KIF15: variants seen among roughly 807,000 people sequenced by gnomAD.
The protein encoded by KIF15 is kinesin family member 15.
Under a neutral mutation model 190.6 loss-of-function variants are expected in KIF15, and 140 were observed. That is an observed-to-expected ratio of 0.73 (90% confidence interval 0.64 to 0.84). The LOEUF is 0.84. Ranked by LOEUF, KIF15 falls within the 40% of genes least tolerant of loss-of-function variation. KIF15 has a pLI of 0.00. For missense variants in KIF15, 1,372 were observed against 1,584.4 expected, an observed-to-expected ratio of 0.87 and a Z score of 2.28; for synonymous variants, 528 against 551.3, an observed-to-expected ratio of 0.96 and a Z score of 0.59.
chr3:44,831,029 AC>A lies in KIF15; in HGVS notation c.3171+12del. The stretch of plus-strand genomic sequence containing the variant: ...TCTGAGGACATAGAGGTAGGTATTA[AC>A]GCATCACAGCTTCTTTGTTTGCCTT... On this transcript the variant is annotated intron_variant, in intron 26 of 34. Transcript: ENST00000326047. 1 of 1,610,678 alleles carries A rather than the reference AC, an allele frequency of 6.2e-7. No homozygotes were observed. The highest frequency in any genetic ancestry group is 8.5e-7 in the Non-Finnish European group (1 of 1,178,954).
rs544395312 is a variant in KIF15 at position 44,838,925 on chromosome 3, A to G, written c.3318+504A>G. On this transcript the variant is annotated intron_variant, in intron 27 of 34. Transcript: ENST00000326047. Reference sequence around the variant, plus strand: ...CTTAGGTCCTTGACACATGGCAACCAGTTCTAACCACTCCAGTGAGGTTAT... The same window carrying G: ...CTTAGGTCCTTGACACATGGCAACCGGTTCTAACCACTCCAGTGAGGTTAT... Among the ~76,000 whole-genome samples, 351 of 152,264 alleles carry G rather than the reference A, an allele frequency of 2.3e-3. 1 individual carries two copies. Among genetic ancestry groups the G allele is most frequent in the Non-Finnish European group, 3.8e-3 (257 of 68,026 alleles).
intron 16 of KIF15, among the ~76,000 whole-genome samples, chr3:44,807,371 C>A (rs1424429054): frequency 1.3e-5 from 2 of 151,998 alleles, no homozygotes; most frequent in African/African-American, 4.8e-5. Context: ...ATTCCAGGCG[C>A]CTGCCCCAAC....
At chr3:44,786,265 CTTATA>C (rs1706400382) in intron 6 of KIF15, 125 bp from the exon 7 acceptor site, 4 of 626,272 alleles carry the variant, frequency 6.4e-6, no homozygotes, top group Non-Finnish European at 1.0e-5. Context: ...TTTTAGGTAT[CTTATA>C]TTGTATTAAA....
chr3:44,868,296 T>A (rs1699342022), intron 6 of KIF15, among the ~76,000 whole-genome samples: 1 of 152,240 alleles, frequency 6.6e-6, no homozygotes, highest in Non-Finnish European at 1.5e-5. Context: ...AGTTATTCAT[T>A]CCTTTTTATG....
At chr3:44,841,830 C>T (rs962613869) in intron 29 of KIF15, among the ~76,000 whole-genome samples, 2 of 152,166 alleles carry the variant, frequency 1.3e-5, no homozygotes, top group Non-Finnish European at 2.9e-5. Flanking sequence ...CTTTGCTGTC[C>T]CTGGAGGCTT....
intron 8 of KIF15, among the ~76,000 whole-genome samples, chr3:44,797,107 A>T (rs1707026648): frequency 6.6e-6 from 1 of 152,126 alleles, no homozygotes; most frequent in Non-Finnish European, 1.5e-5. Context: ...AGCTCACTGC[A>T]ACCTCCACCT....
rs537997190 is a variant in KIF15 at position 44,825,582 on chromosome 3, A to G, written c.2550-457A>G. ...CAAAAACATTTTCTTTCTTGCTCAA[A>G]TCAAATTCACATTGTCATCTTAATG... On this transcript the variant is annotated intron_variant, in intron 20 of 34. Coordinates refer to ENST00000326047, the MANE Select transcript of KIF15 (RefSeq NM_020242.3). Among the ~76,000 whole-genome samples, 10 of 152,358 alleles carry G rather than the reference A, an allele frequency of 6.6e-5. No homozygotes were observed. The East Asian group carries it at 1.5e-3, about 23-fold the overall frequency.
intron 29 of KIF15, 87 bp downstream of exon 29, chr3:44,841,325 A>G (rs1698591898): frequency 2.0e-6 from 2 of 1,006,258 alleles, no homozygotes; most frequent in African/African-American, 1.7e-5. Context: ...CAAGTGATCC[A>G]TTTGCCTCAG....
At chr3:44,868,244 A>C (rs555956624) in intron 6 of KIF15, among the ~76,000 whole-genome samples, 1 of 152,240 alleles carries the variant, frequency 6.6e-6, no homozygotes, top group African/African-American at 2.4e-5. Flanking sequence ...TTTTTCACCT[A>C]GCATAGTGTT....
intron 15 of KIF15, 103 bp downstream of exon 15, chr3:44,805,271 A>G (rs1707443814): frequency 1.1e-5 from 12 of 1,118,294 alleles, no homozygotes; most frequent in Non-Finnish European, 1.3e-5. Flanking sequence ...TTTAAATATT[A>G]AACTCTCATA....
At chr3:44,790,564 T>G (rs1434392108) in intron 7 of KIF15, among the ~76,000 whole-genome samples, 1 of 152,142 alleles carries the variant, frequency 6.6e-6, no homozygotes, top group Non-Finnish European at 1.5e-5. Flanking sequence ...CTATAATTAT[T>G]TATTGATTCT....
Position 44,826,218 on chromosome 3 carries a change from C to T in KIF15, c.2700+29C>T, listed in dbSNP as rs190958009. 6.5e-4 allele frequency: 1,008 copies of T among 1,560,498 alleles called. 2 individuals are homozygous for T. Among genetic ancestry groups the T allele is most frequent in the Non-Finnish European group, 8.3e-4 (962 of 1,160,920 alleles). On this transcript the variant is annotated intron_variant, in intron 21 of 34. Coordinates refer to ENST00000326047, the MANE Select transcript of KIF15 (RefSeq NM_020242.3). ...TGTTAAGAAGGGTGAATTTGTCCCG[C>T]ATCTGTGACTGTCCTTTTGAGTGTA...
intron 26 of KIF15, among the ~76,000 whole-genome samples, chr3:44,834,115 A>G (rs1227633973): frequency 1.3e-5 from 2 of 152,194 alleles, no homozygotes; most frequent in African/African-American, 4.8e-5. Flanking sequence ...TTTTAGATTC[A>G]TACATTTTAG....
intron 1 of KIF15, among the ~76,000 whole-genome samples, chr3:44,767,579 T>C (rs1360090402): frequency 6.6e-6 from 1 of 152,090 alleles, no homozygotes; most frequent in East Asian, 1.9e-4. Flanking sequence ...GTTAGAGATA[T>C]CAAATAGGTA....
intron 6 of KIF15, among the ~76,000 whole-genome samples, chr3:44,861,437 C>T (rs1699243417): frequency 6.6e-6 from 1 of 152,248 alleles, no homozygotes; most frequent in Non-Finnish European, 1.5e-5. Context: ...ATATGGGGCT[C>T]TGGCGTCTTT....
intron 11 of KIF15, among the ~76,000 whole-genome samples, chr3:44,800,986 G>A (rs1319360603): frequency 1.3e-5 from 2 of 151,230 alleles, no homozygotes; most frequent in African/African-American, 2.4e-5. Context: ...TTTGAAATCC[G>A]TGATCTAGTG....
At chr3:44,829,740 TATGTATATATTATAG>T (rs1697960072) in intron 24 of KIF15, among the ~76,000 whole-genome samples, 2 of 135,700 alleles carry the variant, frequency 1.5e-5, no homozygotes, top group South Asian at 2.2e-4. Flanking sequence ...ATATATTATA[TATGTATATATTATAG>T]ATGTATATAT....
At position 44,794,438 on chromosome 3, in the gene KIF15, A is replaced by G; in HGVS notation, c.849+12A>G. 6.4e-7 allele frequency: 1 copy of G among 1,564,364 alleles called. No individual in the cohort carries two copies. The highest frequency in any genetic ancestry group is 8.7e-7 in the Non-Finnish European group (1 of 1,151,904). On this transcript the variant is annotated intron_variant, in intron 8 of 34. Transcript: ENST00000326047. ...GGATGAGATTGAAGGTAAGAATGAAATTATGGTCTTCAACTTGTGTGTGAG... is the reference window on the plus strand; with the variant it reads ...GGATGAGATTGAAGGTAAGAATGAAGTTATGGTCTTCAACTTGTGTGTGAG...
intron 7 of KIF15, among the ~76,000 whole-genome samples, chr3:44,792,081 T>TC (rs1706736305): frequency 6.9e-6 from 1 of 145,004 alleles, no homozygotes. Flanking sequence ...CTCTCTCTCT[T>TC]GTTTTTTGTA....
Sources: gnomAD v4.1 joint callset for allele counts (sites outside exome capture counted in the v4.1 genomes callset) on GRCh38, gnomAD v4.1.1 for gene constraint, MANE v1.5 for transcripts, NCBI Gene and HGNC (gene_info 2026-07-23, HGNC 2026-07-21) for gene names.